Variants in TRPM3 observed in about 807,000 individuals in gnomAD.
The protein encoded by TRPM3 is transient receptor potential cation channel subfamily M member 3, also known as long transient receptor potential channel 3.
A neutral mutation model predicts 181.2 loss-of-function variants in TRPM3; 77 were observed. That is an observed-to-expected ratio of 0.42 (90% CI 0.35 to 0.51). TRPM3 has a LOEUF of 0.51. Ranked by LOEUF, TRPM3 falls within the 20% of genes least tolerant of loss-of-function variation. The pLI is 0.01. For synonymous variants in TRPM3, 745 were observed against 796.4 expected (o/e 0.94, Z 1.09); for missense variants, 1,759 against 2,196.7 (o/e 0.80, Z 3.98).
intron 1 of TRPM3, among the ~76,000 whole-genome samples, chr9:70,988,106 C>A (rs1309451278): frequency 8.5e-5 from 13 of 152,126 alleles, no homozygotes; most frequent in Admixed American, 7.9e-4. Flanking sequence ...CACTGAAATT[C>A]TTTGGAATCT....
chr9:70,578,933 G>A (rs2054792791), intron 22 of TRPM3, among the ~76,000 whole-genome samples: 1 of 152,176 alleles, frequency 6.6e-6, no homozygotes, highest in African/African-American at 2.4e-5. Context: ...CGCCCCCTGG[G>A]TTGTGACAAC....
chr9:71,085,721 A>G lies in TRPM3; in HGVS notation c.177+35457T>C, dbSNP rs1385053472. Reference sequence around the variant, plus strand: ...ACAGATGCTGGCAAGGCTGCAGAGAAAAGGGAACACTTATACACTGTTGAT... The same window carrying G: ...ACAGATGCTGGCAAGGCTGCAGAGAGAAGGGAACACTTATACACTGTTGAT... On this transcript the variant is annotated intron_variant, in intron 1 of 25. Coordinates refer to ENST00000677713, the MANE Select transcript of TRPM3 (RefSeq NM_001366145.2). Among the ~76,000 whole-genome samples the G allele has an allele frequency of 2.6e-5, 4 of 152,250 alleles. No individual in the cohort carries two copies. The East Asian group carries it at 7.7e-4, about 29-fold the overall frequency.
At chr9:70,620,481 G>T in intron 15 of TRPM3, 116 bp from the exon 16 acceptor site, 1 of 1,159,936 alleles carries the variant, frequency 8.6e-7, no homozygotes. Flanking sequence ...AAATGAACGA[G>T]GCCAGCTCCT....
chr9:70,855,515 C>T (rs535517530), intron 3 of TRPM3, among the ~76,000 whole-genome samples: 20 of 152,308 alleles, frequency 1.3e-4, no homozygotes, highest in African/African-American at 4.6e-4. Context: ...CCACCTCCTT[C>T]TACTGTAAGG....
chr9:71,303,139 G>A (rs1350891390), intron 1 of TRPM3, among the ~76,000 whole-genome samples: 4 of 152,140 alleles, frequency 2.6e-5, no homozygotes, highest in African/African-American at 4.8e-5. Flanking sequence ...ATCACGGTGT[G>A]ATGTAAGCTT....
intron 1 of TRPM3, among the ~76,000 whole-genome samples, chr9:71,116,376 C>G (rs2072383698): frequency 6.6e-6 from 1 of 152,162 alleles, no homozygotes; most frequent in Non-Finnish European, 1.5e-5. Flanking sequence ...ACTTGAACAT[C>G]ATAAATTTAA....
chr9:71,036,767 C>G (rs565516714), intron 1 of TRPM3, among the ~76,000 whole-genome samples: 1 of 152,166 alleles, frequency 6.6e-6, no homozygotes, highest in African/African-American at 2.4e-5. Flanking sequence ...TTGTGCAAAA[C>G]GACAGCATGG....
At chr9:70,745,063 C>T (rs903791147) in intron 8 of TRPM3, among the ~76,000 whole-genome samples, 1 of 152,022 alleles carries the variant, frequency 6.6e-6, no homozygotes, top group Non-Finnish European at 1.5e-5. Flanking sequence ...ATGATCTGTG[C>T]TAAACATAAA....
At chr9:71,309,997 G>C (rs1481941894) in intron 1 of TRPM3, among the ~76,000 whole-genome samples, 2 of 151,986 alleles carry the variant, frequency 1.3e-5, no homozygotes, top group African/African-American at 4.8e-5. Context: ...AAATGAAACA[G>C]GTGTAACATA....
intron 1 of TRPM3, among the ~76,000 whole-genome samples, chr9:71,367,554 C>T (rs111739824): frequency 0.014 from 2,057 of 152,108 alleles, 43 homozygotes; most frequent in African/African-American, 0.045. Flanking sequence ...TACATGAGGA[C>T]AAAAAAGATC....
At chr9:70,980,719 T>C (rs141816101) in intron 1 of TRPM3, among the ~76,000 whole-genome samples, 1 of 152,342 alleles carries the variant, frequency 6.6e-6, no homozygotes, top group East Asian at 1.9e-4. Flanking sequence ...ATACTGTCTT[T>C]AACTACTTTA....
chr9:71,296,379 TC>T (rs1335078767), intron 1 of TRPM3, among the ~76,000 whole-genome samples: 1 of 152,130 alleles, frequency 6.6e-6, no homozygotes, highest in African/African-American at 2.4e-5. Context: ...GGCTACTTTT[TC>T]CTAGGGCAAT....
intron 9 of TRPM3, among the ~76,000 whole-genome samples, chr9:70,674,288 G>A (rs1001834977): frequency 1.3e-5 from 2 of 152,148 alleles, no homozygotes; most frequent in Non-Finnish European, 2.9e-5. Context: ...AGAGCTACCT[G>A]ATGCATGGAA....
intron 1 of TRPM3, among the ~76,000 whole-genome samples, chr9:71,352,320 C>G (rs571191992): frequency 4.6e-5 from 7 of 152,230 alleles, no homozygotes; most frequent in East Asian, 1.9e-4. Flanking sequence ...CTTAATTTCT[C>G]CCATGAGTAT....
intron 22 of TRPM3, among the ~76,000 whole-genome samples, chr9:70,569,953 T>C (rs2051744350): frequency 6.6e-6 from 1 of 152,204 alleles, no homozygotes; most frequent in Admixed American, 6.5e-5. Context: ...TTCCATGGAA[T>C]GGACTCCAAC....
intron 9 of TRPM3, among the ~76,000 whole-genome samples, chr9:70,656,499 A>T (rs2060355433): frequency 1.3e-5 from 2 of 152,106 alleles, no homozygotes; most frequent in South Asian, 4.1e-4. Context: ...TATGCCCAGG[A>T]ATGAATGAGA....
chr9:71,061,729 G>A (rs941418622), intron 1 of TRPM3, among the ~76,000 whole-genome samples: 6 of 152,052 alleles, frequency 3.9e-5, no homozygotes, highest in Non-Finnish European at 8.8e-5. Context: ...CATCCTGTGG[G>A]ACTCAGAAGG....
At position 70,610,685 on chromosome 9, in the gene TRPM3, T is replaced by A. The variant is rs1288252793; in HGVS notation, c.2591A>T (p.Lys864Met). 6.2e-7 allele frequency: 1 copy of A among 1,614,194 alleles called. No homozygotes were observed. Among genetic ancestry groups the A allele is most frequent in the African/African-American group, 1.3e-5 (1 of 75,058 alleles). ...RKKDEEEVQS[K>M]HRLIPLGRKI... ...TCTGCCGAGGGGGATTAACCGGTGC[T>A]TGCTCTGAACTTCCTCTTCATCCTT... The change falls in exon 19 of 26, where the codon AAG (lysine) becomes ATG (methionine). Residue 864 changes from lysine (K) to methionine (M), a missense_variant. Lys to Met is a moderately conservative substitution (Grantham distance 95, BLOSUM62 -1). Transcript: ENST00000677713.
intron 1 of TRPM3, among the ~76,000 whole-genome samples, chr9:71,305,147 T>C (rs2087155433): frequency 6.6e-6 from 1 of 152,196 alleles, no homozygotes; most frequent in Non-Finnish European, 1.5e-5. Flanking sequence ...GCAATGCTCT[T>C]CTCATTATAC....
Sources: allele counts gnomAD v4.1 joint callset (sites outside exome capture counted in the v4.1 genomes callset), GRCh38; gene constraint gnomAD v4.1.1; transcripts MANE v1.5; gene names NCBI Gene and HGNC (gene_info 2026-07-23, HGNC 2026-07-21).